The following ZNF442 variants were observed in gnomAD, a reference collection of about 807,000 sequenced individuals.
The protein encoded by ZNF442 is zinc finger protein 442.
ZNF442 carries 45 observed loss-of-function variants against 57.0 expected under a neutral mutation model. The ratio of observed to expected loss-of-function variants is 0.79; its 90% CI spans 0.62 to 1.01. The LOEUF (loss-of-function observed/expected upper bound fraction) is 1.01, where lower values mean the gene tolerates loss of function less well. ZNF442 is among the 50% of genes least tolerant of loss of function. The probability of loss-of-function intolerance (pLI) is 0.00; values close to 1 mark genes in which losing one functional copy is unlikely to be tolerated. For synonymous variants in ZNF442, 213 were observed against 241.8 expected, an observed-to-expected ratio of 0.88 and a Z score of 1.10; for missense variants, 690 against 756.5, an observed-to-expected ratio of 0.91 and a Z score of 1.03.
chr19:12,362,647 CCGGCCGCCCCGTCTGGG>C (rs1969454252), intron 3 of ZNF442, among the ~76,000 whole-genome samples: 2 of 135,894 alleles, frequency 1.5e-5, no homozygotes, highest in African/African-American at 7.1e-5. Flanking sequence ...GCGCCTCTGC[CCGGCCGCCCCGTCTGGG>C]AGGTGGGGGG....
intron 2 of ZNF442, 77 bp from the exon 3 acceptor site, chr19:12,363,748 C>T: frequency 1.1e-6 from 1 of 898,386 alleles, no homozygotes; most frequent in South Asian, 1.4e-5. Flanking sequence ...ATATTCCTCC[C>T]ATCCCACCCA....
chr19:12,361,868 C>T (rs951798827), intron 3 of ZNF442, among the ~76,000 whole-genome samples: 5 of 152,244 alleles, frequency 3.3e-5, no homozygotes, highest in South Asian at 2.1e-4. Context: ...TGCAGGAGCA[C>T]GCCACCACGC....
intron 3 of ZNF442, among the ~76,000 whole-genome samples, chr19:12,357,366 TTTTTG>T (rs1312917316): frequency 0.038 from 5,496 of 143,536 alleles, 290 homozygotes; most frequent in African/African-American, 0.14. Context: ...TTTTTTTTTT[TTTTTG>T]GACAGAGTCT....
At chr19:12,367,466 CA>C (rs1969547042), upstream of ZNF442, among the ~76,000 whole-genome samples, 1 of 152,116 alleles carries the variant, frequency 6.6e-6, no homozygotes, top group Non-Finnish European at 1.5e-5. Context: ...TAACAGGAAA[CA>C]GGGTTCGAGA....
At chr19:12,352,754 G>A (rs1371693717) in intron 4 of ZNF442, among the ~76,000 whole-genome samples, 1 of 152,124 alleles carries the variant, frequency 6.6e-6, no homozygotes, top group Non-Finnish European at 1.5e-5. Context: ...CAACATATGT[G>A]TTAATTGATT....
chr19:12,353,273 C>T (rs1969274441), intron 3 of ZNF442, among the ~76,000 whole-genome samples, 159 bp from the exon 4 acceptor site: 1 of 152,228 alleles, frequency 6.6e-6, no homozygotes, highest in African/African-American at 2.4e-5. Context: ...TTCTCCAACA[C>T]AGCAATTCTG....
intron 1 of ZNF442, 84 bp downstream of exon 1, chr19:12,365,449 C>T (rs1021927826): frequency 2.0e-5 from 7 of 345,496 alleles, no homozygotes; most frequent in African/African-American, 1.1e-4. Context: ...GCCGCGGGGA[C>T]GCCCGGGTCC....
chr19:12,356,911 C>T (rs1969340601), intron 3 of ZNF442, among the ~76,000 whole-genome samples: 1 of 152,050 alleles, frequency 6.6e-6, no homozygotes, highest in Admixed American at 6.6e-5. Context: ...AATTTTTTCC[C>T]AATGAATAGT....
At position 12,347,676 on chromosome 19, in the gene ZNF442, C is replaced by A. The variant is rs904719500; in HGVS notation, c.*2025G>T. The A allele has an allele frequency of 6.6e-6, 1 of 152,206 alleles. No homozygotes were observed. The highest frequency in any genetic ancestry group is 6.5e-5 in the Admixed American group (1 of 15,276). The allele number at this position is 152,206 out of a possible 1,614,324, so 9.4% of individuals were successfully genotyped here. A position where few individuals can be genotyped will look rare whatever the true frequency, so the allele number is the denominator to read the frequency against. On this transcript the variant is annotated 3_prime_UTR_variant, in exon 6 of 6. Coordinates refer to ENST00000242804, the MANE Select transcript of ZNF442 (RefSeq NM_030824.3). ...ACTGTAACAGAACAGCCAGGACTTCCCCAACCCCTCCCTAACAGAATTTTG... is the reference window on the plus strand; with the variant it reads ...ACTGTAACAGAACAGCCAGGACTTCACCAACCCCTCCCTAACAGAATTTTG...
chr19:12,357,404 C>T (rs1245556153), intron 3 of ZNF442, among the ~76,000 whole-genome samples: 6 of 127,912 alleles, frequency 4.7e-5, no homozygotes, highest in Non-Finnish European at 6.3e-5. Context: ...CAGGCTGGAG[C>T]GCAATGGTGC....
At chr19:12,368,844 G>T (rs1428321290), upstream of ZNF442, among the ~76,000 whole-genome samples, 1 of 152,092 alleles carries the variant, frequency 6.6e-6, no homozygotes, top group Non-Finnish European at 1.5e-5. Flanking sequence ...GTTACAAGTG[G>T]GATCAGCACC....
chr19:12,357,963 CTTT>C (rs796855751), intron 3 of ZNF442, among the ~76,000 whole-genome samples: 4 of 135,918 alleles, frequency 2.9e-5, no homozygotes, highest in Admixed American at 7.4e-5. Context: ...ATTTGCCCAC[CTTT>C]TTTTTTTTTT....
rs767411875 is a variant in ZNF442 at position 12,347,807 on chromosome 19, T to A, written c.*1894A>T. On this transcript the variant is annotated 3_prime_UTR_variant, in exon 6 of 6. Coordinates refer to ENST00000242804, the MANE Select transcript of ZNF442 (RefSeq NM_030824.3). The stretch of plus-strand genomic sequence containing the variant: ...AAGCCCTTCTCAGGTTTACTCCCAA[T>A]AAAACTGTCTCAACTGTTGAGCCAC... 1 of 152,200 alleles carries A rather than the reference T, an allele frequency of 6.6e-6. No individual in the cohort carries two copies. The highest frequency in any genetic ancestry group is 6.5e-5 in the Admixed American group (1 of 15,278). 9.4% of individuals were successfully genotyped at this position (152,200 alleles called of 1,614,324 possible). A position where few individuals can be genotyped will look rare whatever the true frequency, so the allele number is the denominator to read the frequency against.
intron 3 of ZNF442, among the ~76,000 whole-genome samples, chr19:12,357,418 C>T (rs1172156703): frequency 1.5e-5 from 2 of 131,446 alleles, no homozygotes; most frequent in African/African-American, 5.8e-5. Context: ...ATGGTGCAAT[C>T]TCGGCTCACT....
chr19:12,350,590 T>C lies in ZNF442; in HGVS notation c.995A>G (p.His332Arg), dbSNP rs200426303. Residue 332 changes from histidine to arginine, a missense_variant, in exon 6 of 6, where the codon CAT (histidine) becomes CGT (arginine). His to Arg is a conservative substitution (Grantham distance 29). Transcript: ENST00000242804. The stretch of plus-strand genomic sequence containing the variant: ...CATGTGTCTTTGAAAGCTTCCCAGA[T>C]GATGAAATGCTTTCCCGCATTGCTT... The part of the protein sequence containing the change: ...ECKQCGKAFH[H>R]LGSFQRHMIR... 12 of 1,613,652 alleles carry C rather than the reference T, an allele frequency of 7.4e-6. No homozygotes were observed. Among genetic ancestry groups the C allele is most frequent in the South Asian group, 1.1e-5 (1 of 91,066 alleles).
upstream of ZNF442, among the ~76,000 whole-genome samples, chr19:12,367,702 T>G (rs1046708855): frequency 3.9e-5 from 6 of 152,198 alleles, no homozygotes; most frequent in African/African-American, 1.4e-4. Flanking sequence ...AGTCTCACGC[T>G]CTGTCCCCCA....
upstream of ZNF442, among the ~76,000 whole-genome samples, chr19:12,369,184 C>T (rs558293858): frequency 7.2e-5 from 11 of 151,756 alleles, no homozygotes; most frequent in Admixed American, 1.3e-4. Context: ...GCTCTTGCTC[C>T]GAAGATACTT....
intron 2 of ZNF442, 96 bp from the exon 3 acceptor site, chr19:12,363,767 A>G: frequency 2.6e-6 from 2 of 758,462 alleles, no homozygotes; most frequent in African/African-American, 1.7e-5. Flanking sequence ...CAGGGCATCC[A>G]GCTGTTCTCT....
At position 12,346,882 on chromosome 19, in the gene ZNF442, G is replaced by C. The variant is rs769305899; in HGVS notation, c.*2819C>G. ...TACTTCCACATATCTCTCTCTCTATGAATAGTCAAATTCACAGACAGAGAA... is the reference window on the plus strand; with the variant it reads ...TACTTCCACATATCTCTCTCTCTATCAATAGTCAAATTCACAGACAGAGAA... On this transcript the variant is annotated 3_prime_UTR_variant, in exon 6 of 6. Coordinates refer to ENST00000242804, the MANE Select transcript of ZNF442 (RefSeq NM_030824.3). 2 of 152,162 alleles carry C rather than the reference G, an allele frequency of 1.3e-5. No individual in the cohort carries two copies. The highest frequency in any genetic ancestry group is 6.5e-5 in the Admixed American group (1 of 15,280). The allele number at this position is 152,162 out of a possible 1,614,324, so 9.4% of individuals were successfully genotyped here. A position where few individuals can be genotyped will look rare whatever the true frequency, so the allele number is the denominator to read the frequency against.
Sources: gnomAD v4.1 joint callset for allele counts (sites outside exome capture counted in the v4.1 genomes callset) on GRCh38, gnomAD v4.1.1 for gene constraint, MANE v1.5 for transcripts, NCBI Gene and HGNC (gene_info 2026-07-23, HGNC 2026-07-21) for gene names.